Variants in HMCN1 observed in about 807,000 individuals in gnomAD.
The protein encoded by HMCN1 is hemicentin-1.
In HMCN1, 321 loss-of-function variants were observed where a neutral mutation model predicts 625.9. The ratio of observed to expected loss-of-function variants is 0.51; its 90% CI spans 0.47 to 0.56. HMCN1 has a LOEUF of 0.56. HMCN1 is among the 20% of genes least tolerant of loss of function. The pLI is 0.00. For synonymous variants in HMCN1, 2,425 were observed against 2,417.6 expected (o/e 1.00, Z -0.09); for missense variants, 6,588 against 6,887.3 (o/e 0.96, Z 1.54).
rs1238147822 is a variant in HMCN1, at chr1:186,019,633, A to G, written c.5563A>G (p.Asn1855Asp). ...ALQCIANGIP[N>D]PSITWLKDDQ... The stretch of plus-strand genomic sequence containing the variant: ...GCAGTGCATAGCCAATGGGATTCCA[A>G]ATCCTTCCATTACATGGTTAAAAGA... Residue 1855 changes from asparagine to aspartate, a missense_variant, in exon 35 of 107, where the codon AAT (asparagine) becomes GAT (aspartate). Transcript: ENST00000271588. The G allele has an allele frequency of 6.2e-7, 1 of 1,612,168 alleles. No individual in the cohort carries two copies. Among genetic ancestry groups the G allele is most frequent in the Non-Finnish European group, 8.5e-7 (1 of 1,178,672 alleles).
chr1:185,910,493 A>C, intron 5 of HMCN1, among the ~76,000 whole-genome samples: 1 of 152,094 alleles, frequency 6.6e-6, no homozygotes, highest in African/African-American at 2.4e-5. Flanking sequence ...CTACTACTTT[A>C]AAAAGTCACT....
chr1:185,762,976 C>T (rs371271169), intron 1 of HMCN1, among the ~76,000 whole-genome samples: 5 of 152,036 alleles, frequency 3.3e-5, no homozygotes, highest in Non-Finnish European at 7.4e-5. Flanking sequence ...TCTTTATACT[C>T]GCAGCTATCA....
chr1:186,110,849 G>T (rs2102463093), intron 71 of HMCN1, among the ~76,000 whole-genome samples: 1 of 152,044 alleles, frequency 6.6e-6, no homozygotes, highest in East Asian at 1.9e-4. Flanking sequence ...AGGACTGCAG[G>T]TGTGGGGCTT....
intron 2 of HMCN1, among the ~76,000 whole-genome samples, chr1:185,861,390 T>C (rs1211217717): frequency 6.6e-6 from 1 of 152,170 alleles, no homozygotes; most frequent in Non-Finnish European, 1.5e-5. Context: ...TATACTACCA[T>C]GGAGTTGTAT....
At chr1:185,747,184 G>A (rs1654466606) in intron 1 of HMCN1, among the ~76,000 whole-genome samples, 1 of 151,904 alleles carries the variant, frequency 6.6e-6, no homozygotes, top group Non-Finnish European at 1.5e-5. Context: ...TTTGCATTAG[G>A]GACTATCATA....
chr1:186,051,157 A>T (rs1656921913), intron 42 of HMCN1, among the ~76,000 whole-genome samples: 1 of 152,080 alleles, frequency 6.6e-6, no homozygotes, highest in African/African-American at 2.4e-5. Context: ...AAGGCCTCTT[A>T]AATCAATTTA....
intron 1 of HMCN1, among the ~76,000 whole-genome samples, chr1:185,786,069 T>G (rs1657547971): frequency 1.3e-5 from 2 of 152,222 alleles, no homozygotes; most frequent in South Asian, 4.1e-4. Flanking sequence ...TGCATGTATA[T>G]CTCAGGGAAT....
In HMCN1 at chr1:186,116,983, G is replaced by A; in HGVS notation, c.11562-11G>A. ...CATATAGTATCTCATGCTTTGAAAT[G>A]TGTCTTCTAGGCTCCTTTCTTCAGG... On this transcript the variant is annotated splice_polypyrimidine_tract_variant and intron_variant, in intron 75 of 106. Coordinates refer to ENST00000271588, the MANE Select transcript of HMCN1 (RefSeq NM_031935.3). The A allele has an allele frequency of 6.2e-7, 1 of 1,612,344 alleles. No homozygotes were observed. Among genetic ancestry groups the A allele is most frequent in the African/African-American group, 1.3e-5 (1 of 74,986 alleles).
chr1:185,797,683 T>TAGATTTCTTTTGTGTATTTCTTC lies in HMCN1; in HGVS notation c.269-48343_269-48342insAGATTTCTTTTGTGTATTTCTTC. 6.4e-4 allele frequency among the ~76,000 whole-genome samples: 94 copies of TAGATTTCTTTTGTGTATTTCTTC among 147,792 alleles called. 1 individual carries two copies. The highest frequency in any genetic ancestry group is 2.2e-3 in the African/African-American group (81 of 37,210). ...ATGCAATTGCTTTATAAGACTTGTT[T>TAGATTTCTTTTGTGTATTTCTTC]TGGCCGGGCGCGGTGGCTCACGCCT... On this transcript the variant is annotated intron_variant, in intron 1 of 106. Transcript: ENST00000271588.
intron 86 of HMCN1, 45 bp downstream of exon 86, chr1:186,132,454 A>G (rs373609401): frequency 6.8e-5 from 93 of 1,365,836 alleles, no homozygotes; most frequent in East Asian, 5.2e-4. Flanking sequence ...TTTAGGAAAT[A>G]TTACCTAATA....
chr1:186,092,662 A>T (rs371512611), intron 64 of HMCN1, among the ~76,000 whole-genome samples: 11 of 151,820 alleles, frequency 7.2e-5, no homozygotes, highest in Non-Finnish European at 1.3e-4. Flanking sequence ...GTAGAAAAAA[A>T]GTTTGCAAAA....
intron 80 of HMCN1, among the ~76,000 whole-genome samples, chr1:186,121,681 G>T (rs116390540): frequency 1.5e-3 from 227 of 152,238 alleles, no homozygotes; most frequent in African/African-American, 5.2e-3. Context: ...GTCAAGTAGA[G>T]AGTTGAATAT....
intron 105 of HMCN1, among the ~76,000 whole-genome samples, chr1:186,185,609 C>G (rs1231636260): frequency 3.3e-5 from 5 of 152,214 alleles, no homozygotes; most frequent in Non-Finnish European, 7.3e-5. Context: ...ATCATTCTAA[C>G]CCAGTATCTT....
At chr1:185,899,192 G>A (rs761535166) in intron 4 of HMCN1, among the ~76,000 whole-genome samples, 11 of 152,090 alleles carry the variant, frequency 7.2e-5, no homozygotes, top group African/African-American at 1.2e-4. Context: ...ACACTGGGGC[G>A]ATGTTCGCTA....
chr1:186,168,163 A>C (rs1461459038), intron 100 of HMCN1, among the ~76,000 whole-genome samples: 1 of 151,120 alleles, frequency 6.6e-6, no homozygotes, highest in African/African-American at 2.4e-5. Flanking sequence ...TGCAGAAGAA[A>C]TATATTATTA....
intron 1 of HMCN1, among the ~76,000 whole-genome samples, chr1:185,739,161 C>T (rs1653802056): frequency 6.6e-6 from 1 of 152,160 alleles, no homozygotes; most frequent in African/African-American, 2.4e-5. Context: ...GGATAATGGA[C>T]TCCAGCTGCA....
chr1:185,783,287 T>G (rs1428354122), intron 1 of HMCN1, among the ~76,000 whole-genome samples: 1 of 152,230 alleles, frequency 6.6e-6, no homozygotes, highest in Non-Finnish European at 1.5e-5. Context: ...TGCGATGGGT[T>G]CAAAGTTCGT....
At position 186,187,656 on chromosome 1, in the gene HMCN1, T is replaced by A. The variant is rs137857888; in HGVS notation, c.16415-227T>A. Among the ~76,000 whole-genome samples, 749 of 152,282 alleles carry A rather than the reference T, an allele frequency of 4.9e-3. 5 individuals are homozygous for A. The highest frequency in any genetic ancestry group is 0.017 in the African/African-American group (694 of 41,554). ...TCACTTTTATAGCTCTCATTTTTTT[T>A]ATGTCCTTTCACATAAAGAAATATG... On this transcript the variant is annotated intron_variant, in intron 105 of 106. Coordinates refer to ENST00000271588, the MANE Select transcript of HMCN1 (RefSeq NM_031935.3).
chr1:185,795,550 TTCTCA>T (rs1658314586), intron 1 of HMCN1, among the ~76,000 whole-genome samples: 1 of 152,218 alleles, frequency 6.6e-6, no homozygotes, highest in African/African-American at 2.4e-5. Flanking sequence ...ACTTTACTAC[TTCTCA>T]TAGGAATGTC....
Sources: gnomAD v4.1 joint callset for allele counts (sites outside exome capture counted in the v4.1 genomes callset) on GRCh38, gnomAD v4.1.1 for gene constraint, MANE v1.5 for transcripts, NCBI Gene and HGNC (gene_info 2026-07-23, HGNC 2026-07-21) for gene names.